Variants in PKD1L3 observed in about 807,000 individuals in gnomAD.
PKD1L3 encodes the protein polycystin-1-like protein 3.
A neutral mutation model predicts 184.1 loss-of-function variants in PKD1L3; 239 were observed. The observed-to-expected ratio is 1.30, with a 90% CI of 1.17 to 1.45. PKD1L3 has a LOEUF of 1.45. Among genes scored for constraint, PKD1L3 ranks in the 40% most tolerant of loss-of-function variants. The pLI, the probability that PKD1L3 is intolerant of heterozygous loss-of-function variation, is 0.00. For synonymous variants in PKD1L3, 996 were observed against 778.8 expected (o/e 1.28, Z -4.64); for missense variants, 2,660 against 2,067.2 (o/e 1.29, Z -5.56).
chr16:71,997,611 G>T (rs771756187), intron 2 of PKD1L3, among the ~76,000 whole-genome samples: 53 of 152,080 alleles, frequency 3.5e-4, no homozygotes, highest in Non-Finnish European at 7.4e-4. Context: ...AGCCGGGCAT[G>T]GTGGCACATG....
chr16:71,983,176 T>G (rs1050597089), intron 6 of PKD1L3, among the ~76,000 whole-genome samples: 42 of 152,184 alleles, frequency 2.8e-4, no homozygotes, highest in African/African-American at 1.0e-3. Flanking sequence ...AGACAGAGTG[T>G]GGCTCTGTCA....
Position 71,950,233 on chromosome 16 carries a change from G to T in PKD1L3, c.3268C>A (p.Leu1090Met). 6.4e-7 allele frequency: 1 copy of T among 1,552,130 alleles called. No homozygotes were observed. The highest frequency in any genetic ancestry group is 8.7e-7 in the Non-Finnish European group (1 of 1,147,096). ...LQRLKSHLGT[L>M]GLTQGHQSCD... is the part of the protein sequence containing the mutation. ...GACTGGTGACCCTGGGTGAGACCCA[G>T]CGTGCCTAAGTGAGATTTCAGCCTC... Residue 1090 changes from leucine to methionine, a missense_variant, in exon 20 of 30, where the codon CTG (leucine) becomes ATG (methionine). Coordinates refer to ENST00000620267, the MANE Select transcript of PKD1L3 (RefSeq NM_181536.2).
chr16:71,952,677 A>G (rs1053053238), intron 18 of PKD1L3, among the ~76,000 whole-genome samples: 11 of 150,908 alleles, frequency 7.3e-5, no homozygotes, highest in Non-Finnish European at 1.3e-4. Context: ...TCTACAAAAA[A>G]ATACAAAAAT....
At chr16:71,949,707 A>C in intron 21 of PKD1L3, 76 bp downstream of exon 21, 1 of 1,299,700 alleles carries the variant, frequency 7.7e-7, no homozygotes, top group Admixed American at 2.2e-5. Flanking sequence ...ACCACTAGGC[A>C]CCTTGGATTG....
At position 71,967,331 on chromosome 16, in the gene PKD1L3, GA is replaced by G. The variant is rs1489371934; in HGVS notation, c.2287-17del. 13 of 1,541,330 alleles carry G rather than the reference GA, an allele frequency of 8.4e-6. No homozygotes were observed. The highest frequency in any genetic ancestry group is 1.1e-5 in the Non-Finnish European group (13 of 1,143,054). The stretch of plus-strand genomic sequence containing the variant: ...TGATGACAACCTACAATGAGACAGG[GA>G]AAGATAAAATATAAGGAATTTTAAC... On this transcript the variant is annotated splice_polypyrimidine_tract_variant and intron_variant, in intron 14 of 29. Transcript: ENST00000620267.
At position 71,970,110 on chromosome 16, in the gene PKD1L3, A is replaced by G. The variant is rs571478416; in HGVS notation, c.1954-5T>C. On this transcript the variant is annotated splice_polypyrimidine_tract_variant and splice_region_variant and intron_variant, in intron 12 of 29. Coordinates refer to ENST00000620267, the MANE Select transcript of PKD1L3 (RefSeq NM_181536.2). ...AATTGTGCTCTGTGGCCCAACCTGG[A>G]ATTAGAATCAAGACGTTGATTCTAG... 7 of 1,549,384 alleles carry G rather than the reference A, an allele frequency of 4.5e-6. No individual in the cohort carries two copies. The Admixed American group carries it at 1.2e-4, about 26-fold the overall frequency.
chr16:71,958,215 G>C (rs1333703485), intron 16 of PKD1L3, among the ~76,000 whole-genome samples: 1 of 151,198 alleles, frequency 6.6e-6, no homozygotes, highest in African/African-American at 2.4e-5. Context: ...GTGAAACCCC[G>C]TCTCTACTAA....
At chr16:71,977,566 T>TCC in intron 10 of PKD1L3, 99 bp from the exon 11 acceptor site, 21 of 627,476 alleles carry the variant, frequency 3.3e-5, no homozygotes, top group South Asian at 1.0e-4. Flanking sequence ...AGCTCTTTTT[T>TCC]TTTTTTTTTT....
At chr16:71,983,659 C>CTTTTT (rs66523761) in intron 6 of PKD1L3, among the ~76,000 whole-genome samples, 7,964 of 91,800 alleles carry the variant, frequency 0.087, 1,977 homozygotes, top group South Asian at 0.19. Flanking sequence ...TCCAGATTCT[C>CTTTTT]TTTCTTTTTT....
chr16:71,954,331 A>G (rs953318633), intron 16 of PKD1L3, 30 bp from the exon 17 acceptor site: 2 of 1,455,672 alleles, frequency 1.4e-6, no homozygotes, highest in East Asian at 2.6e-5. Context: ...GAGGAAATAC[A>G]TGAGATTTTA....
intron 15 of PKD1L3, among the ~76,000 whole-genome samples, chr16:71,964,497 C>T (rs1315072830): frequency 1.3e-5 from 2 of 151,302 alleles, no homozygotes; most frequent in Non-Finnish European, 2.9e-5. Context: ...AGCCACCACG[C>T]CCGGCTAGTT....
At chr16:71,945,009 C>T (rs543399591) in intron 22 of PKD1L3, among the ~76,000 whole-genome samples, 1 of 151,162 alleles carries the variant, frequency 6.6e-6, no homozygotes, top group South Asian at 2.1e-4. Flanking sequence ...AAAGCAGAAG[C>T]ATGCAAAATA....
At chr16:71,935,069 C>T (rs2038126914) in intron 26 of PKD1L3, among the ~76,000 whole-genome samples, 1 of 152,178 alleles carries the variant, frequency 6.6e-6, no homozygotes, top group South Asian at 2.1e-4. Context: ...ATGCCTTCGC[C>T]AGAGGGCAAA....
At chr16:71,973,216 C>G in intron 12 of PKD1L3, 108 bp downstream of exon 12, 1 of 1,309,854 alleles carries the variant, frequency 7.6e-7, no homozygotes, top group South Asian at 1.4e-5. Flanking sequence ...TATTTCAAAC[C>G]ACCTGATTAT....
At position 71,930,205 on chromosome 16, in the gene PKD1L3, T is replaced by C. The variant is rs761441538; in HGVS notation, c.4927-22A>G. 5.9e-6 allele frequency: 9 copies of C among 1,525,026 alleles called. No homozygotes were observed. The East Asian group carries it at 7.4e-5, about 12-fold the overall frequency. 94.5% of individuals were successfully genotyped at this position (1,525,026 alleles called of 1,614,324 possible). ...AAACCTGGGAAAACAATAAGAACAC[T>C]TGCAGTGACTGACAATTTAGTTTAT... is the stretch of plus-strand genomic sequence containing the variant. On this transcript the variant is annotated intron_variant, in intron 28 of 29. Transcript: ENST00000620267.
chr16:71,994,427 C>A (rs1368549296), intron 2 of PKD1L3, among the ~76,000 whole-genome samples: 1 of 152,182 alleles, frequency 6.6e-6, no homozygotes, highest in Non-Finnish European at 1.5e-5. Flanking sequence ...AGCACCTGTA[C>A]CTGTAGCGAG....
chr16:71,932,780 CTTT>C (rs71153681), intron 28 of PKD1L3, among the ~76,000 whole-genome samples: 9,196 of 96,930 alleles, frequency 0.095, 564 homozygotes, highest in East Asian at 0.35. Flanking sequence ...CGCACCTGGC[CTTT>C]TTTTTTTTTT....
intron 16 of PKD1L3, among the ~76,000 whole-genome samples, chr16:71,962,500 A>T (rs2039319528): frequency 6.6e-6 from 1 of 151,892 alleles, no homozygotes; most frequent in Non-Finnish European, 1.5e-5. Flanking sequence ...ACATCTTTGC[A>T]TTTTTTGAGA....
At chr16:71,935,317 A>T in intron 26 of PKD1L3, 41 bp downstream of exon 26, 1 of 1,523,584 alleles carries the variant, frequency 6.6e-7, no homozygotes, top group Non-Finnish European at 8.8e-7. Context: ...AACTTTAGAC[A>T]TGAGGTAGGA....
Sources: gnomAD v4.1 joint callset for allele counts (sites outside exome capture counted in the v4.1 genomes callset) on GRCh38, gnomAD v4.1.1 for gene constraint, MANE v1.5 for transcripts, NCBI Gene and HGNC (gene_info 2026-07-23, HGNC 2026-07-21) for gene names.